SLC14A2: variants seen among roughly 807,000 people sequenced by gnomAD.
SLC14A2 encodes urea transporter 2.
A neutral mutation model predicts 104.6 loss-of-function variants in SLC14A2; 91 were observed. The ratio of observed to expected loss-of-function variants is 0.87; its 90% CI spans 0.73 to 1.04. The LOEUF is 1.04. Ranked by LOEUF, SLC14A2 falls within the 50% of genes least tolerant of loss-of-function variation. The probability of loss-of-function intolerance (pLI) is 0.00; values close to 1 mark genes in which losing one functional copy is unlikely to be tolerated. For missense variants in SLC14A2, 1,189 were observed against 1,156.0 expected (o/e 1.03, Z -0.41); for synonymous variants, 476 against 466.4 (o/e 1.02, Z -0.27).
At chr18:45,292,125 G>C (rs1022533767) in intron 1 of SLC14A2, among the ~76,000 whole-genome samples, 2 of 152,152 alleles carry the variant, frequency 1.3e-5, no homozygotes, top group Non-Finnish European at 2.9e-5. Context: ...TAATCTGGCA[G>C]GAATGATTAT....
At position 45,401,710 on chromosome 18, in the gene SLC14A2, G is replaced by T. The variant is rs148770551; in HGVS notation, c.-124-81523G>T. Among the ~76,000 whole-genome samples the T allele has an allele frequency of 2.2e-3, 331 of 152,316 alleles. 6 individuals carry two copies. The highest frequency in any genetic ancestry group is 7.5e-3 in the African/African-American group (311 of 41,570). ...TATTTGGGGCAAAAAATTTAGTAGG[G>T]ATACTTATACAGAAGTTGTTTCAGG... is the stretch of plus-strand genomic sequence containing the variant. On this transcript the variant is annotated intron_variant, in intron 1 of 20. Coordinates refer to the SLC14A2 transcript ENST00000586448.
At chr18:45,391,789 T>A (rs140958109) in intron 1 of SLC14A2, among the ~76,000 whole-genome samples, 4,749 of 152,310 alleles carry the variant, frequency 0.031, 201 homozygotes, top group East Asian at 0.097. Context: ...TTATTTCTTG[T>A]ACATTTGTTT....
At chr18:45,666,116 G>T (rs1405408880) in intron 11 of SLC14A2, 21 bp from the exon 12 acceptor site, 6 of 1,580,016 alleles carry the variant, frequency 3.8e-6, no homozygotes. Context: ...AACTGATGGT[G>T]CTCTTTCCTT....
At chr18:45,598,213 C>G (rs1044623293) in intron 2 of SLC14A2, among the ~76,000 whole-genome samples, 3 of 152,132 alleles carry the variant, frequency 2.0e-5, no homozygotes, top group African/African-American at 4.8e-5. Flanking sequence ...TCTGTGCCCA[C>G]GTAGGTTATC....
chr18:45,349,144 C>T (rs1027559896), intron 1 of SLC14A2, among the ~76,000 whole-genome samples: 4 of 152,224 alleles, frequency 2.6e-5, no homozygotes, highest in Non-Finnish European at 2.9e-5. Context: ...CATAAAGGTG[C>T]TTCCTGTTCC....
At chr18:45,628,000 C>CAAA (rs58009345) in intron 4 of SLC14A2, among the ~76,000 whole-genome samples, 3 of 83,608 alleles carry the variant, frequency 3.6e-5, no homozygotes, top group Non-Finnish European at 5.0e-5. Flanking sequence ...AAGACTTTCT[C>CAAA]AAAAAAAAAA....
chr18:45,545,766 G>T (rs72902378), intron 2 of SLC14A2, among the ~76,000 whole-genome samples: 11,792 of 152,132 alleles, frequency 0.078, 564 homozygotes, highest in East Asian at 0.21. Context: ...AGGAAACAAA[G>T]GTAGAGGTGT....
chr18:45,680,434 G>C (rs148496810), intron 19 of SLC14A2, among the ~76,000 whole-genome samples: 1 of 152,004 alleles, frequency 6.6e-6, no homozygotes, highest in Non-Finnish European at 1.5e-5. Flanking sequence ...GCCACTCTCC[G>C]GAATATAAAA....
At chr18:45,415,667 G>A (rs1008325939) in intron 1 of SLC14A2, among the ~76,000 whole-genome samples, 1 of 152,168 alleles carries the variant, frequency 6.6e-6, no homozygotes, top group Admixed American at 6.6e-5. Context: ...TGGCCAGGGA[G>A]CTTATACCCG....
intron 10 of SLC14A2, among the ~76,000 whole-genome samples, chr18:45,650,108 T>C (rs2045704935): frequency 6.6e-6 from 1 of 152,208 alleles, no homozygotes; most frequent in Non-Finnish European, 1.5e-5. Flanking sequence ...GCTTATGTTA[T>C]TCTTCACAAT....
intron 1 of SLC14A2, among the ~76,000 whole-genome samples, chr18:45,307,430 A>C (rs1230250280): frequency 2.7e-5 from 3 of 109,920 alleles, no homozygotes; most frequent in African/African-American, 1.1e-4. Flanking sequence ...AAAAAAAAAA[A>C]AAAAACCAAA....
At chr18:45,641,115 G>A in intron 7 of SLC14A2, 94 bp from the exon 8 acceptor site, 1 of 1,367,750 alleles carries the variant, frequency 7.3e-7, no homozygotes, top group Non-Finnish European at 1.0e-6. Context: ...GTGAACAACA[G>A]CATGGAGGCC....
At chr18:45,637,622 A>C (rs1335857374) in intron 6 of SLC14A2, among the ~76,000 whole-genome samples, 2 of 152,168 alleles carry the variant, frequency 1.3e-5, no homozygotes, top group African/African-American at 4.8e-5. Flanking sequence ...CAGAGGGTTA[A>C]TTTTTATATA....
the SLC14A2 span, among the ~76,000 whole-genome samples, chr18:45,192,285 C>T: frequency 6.6e-6 from 1 of 152,096 alleles, no homozygotes. Context: ...TATTACAAAC[C>T]ACCTATACTT....
intron 1 of SLC14A2, among the ~76,000 whole-genome samples, chr18:45,474,344 T>C (rs192715364): frequency 6.6e-6 from 1 of 152,268 alleles, no homozygotes; most frequent in African/African-American, 2.4e-5. Flanking sequence ...TTTTCTTTTT[T>C]TGTTGTGTGT....
intron 1 of SLC14A2, among the ~76,000 whole-genome samples, chr18:45,384,255 G>T (rs1331000898): frequency 1.4e-4 from 21 of 152,106 alleles, no homozygotes; most frequent in Admixed American, 1.2e-3. Flanking sequence ...CCTCTCCTCT[G>T]GTTACTATGA....
chr18:45,672,818 T>G, intron 16 of SLC14A2, 82 bp from the exon 17 acceptor site: 1 of 1,313,174 alleles, frequency 7.6e-7, no homozygotes, highest in Non-Finnish European at 1.1e-6. Context: ...GTGGGAAGGG[T>G]TCAGTGCCAA....
At chr18:45,610,967 G>C (rs936052306), upstream of SLC14A2, among the ~76,000 whole-genome samples, 1 of 152,166 alleles carries the variant, frequency 6.6e-6, no homozygotes, top group African/African-American at 2.4e-5. Context: ...TACTGCCTGC[G>C]ATGACCCTAA....
intron 2 of SLC14A2, among the ~76,000 whole-genome samples, chr18:45,546,738 G>C (rs1406136191): frequency 6.6e-6 from 1 of 151,960 alleles, no homozygotes; most frequent in Non-Finnish European, 1.5e-5. Context: ...CTGTAAAATG[G>C]GTATACTAAT....
Sources: gnomAD v4.1 joint callset for allele counts (sites outside exome capture counted in the v4.1 genomes callset) on GRCh38, gnomAD v4.1.1 for gene constraint, MANE v1.5 for transcripts, NCBI Gene and HGNC (gene_info 2026-07-23, HGNC 2026-07-21) for gene names.